SLC11A2: variants seen among roughly 807,000 people sequenced by gnomAD.
SLC11A2 encodes the protein natural resistance-associated macrophage protein 2.
A neutral mutation model predicts 68.0 loss-of-function variants in SLC11A2; 38 were observed. The ratio of observed to expected loss-of-function variants is 0.56; its 90% CI spans 0.43 to 0.73. The LOEUF (loss-of-function observed/expected upper bound fraction) is 0.73, where lower values mean the gene tolerates loss of function less well. SLC11A2 is among the 30% of genes least tolerant of loss of function. The pLI is 0.00. For synonymous variants in SLC11A2, 242 were observed against 250.6 expected (o/e 0.97, Z 0.32); for missense variants, 517 against 690.5 (o/e 0.75, Z 2.82).
the SLC11A2 span, among the ~76,000 whole-genome samples, chr12:50,973,786 G>C: frequency 1.3e-5 from 2 of 152,184 alleles, no homozygotes; most frequent in African/African-American, 4.8e-5. Flanking sequence ...ATGCAGATAA[G>C]TCCTTAAAGG....
downstream of SLC11A2, among the ~76,000 whole-genome samples, chr12:50,979,014 T>C (rs905976712): frequency 6.6e-6 from 1 of 152,162 alleles, no homozygotes; most frequent in South Asian, 2.1e-4. Flanking sequence ...TGTGTATACA[T>C]TGTCAGAGCA....
At chr12:50,981,797 G>A, downstream of SLC11A2, 2 of 1,522,378 alleles carry the variant, frequency 1.3e-6, no homozygotes, top group Non-Finnish European at 1.8e-6. Flanking sequence ...GTCAATCCCA[G>A]ATGGCACTAA....
At chr12:50,994,796 C>A in intron 10 of SLC11A2, 166 bp from the exon 11 acceptor site, 1 of 620,784 alleles carries the variant, frequency 1.6e-6, no homozygotes, top group South Asian at 1.8e-5. Flanking sequence ...TATCTAGGAT[C>A]TTCCTCTATA....
chr12:50,960,733 A>C, the SLC11A2 span, among the ~76,000 whole-genome samples: 3 of 151,896 alleles, frequency 2.0e-5, no homozygotes, highest in African/African-American at 7.3e-5. Flanking sequence ...ACCAGGCTGT[A>C]GTGCAGTGGT....
the SLC11A2 span, among the ~76,000 whole-genome samples, chr12:50,970,263 T>G: frequency 6.6e-6 from 1 of 152,236 alleles, no homozygotes; most frequent in African/African-American, 2.4e-5. Context: ...CCTAGAGTTT[T>G]GTTTTTTGTT....
intron 1 of SLC11A2, among the ~76,000 whole-genome samples, chr12:51,020,211 C>G (rs1943943676): frequency 6.6e-6 from 1 of 151,476 alleles, no homozygotes; most frequent in Non-Finnish European, 1.5e-5. Context: ...CAGGCACGTA[C>G]CACCACAGCT....
intron 5 of SLC11A2, among the ~76,000 whole-genome samples, chr12:51,002,688 T>C (rs113685355): frequency 0.028 from 3,930 of 138,874 alleles, 184 homozygotes; most frequent in African/African-American, 0.098. Context: ...ACGCCTGTAA[T>C]CCCAGCACTT....
intron 6 of SLC11A2, 147 bp downstream of exon 6, chr12:51,000,166 G>T: frequency 1.4e-6 from 1 of 695,108 alleles, no homozygotes. Context: ...TCTACCAGGG[G>T]AGAAGAAATT....
At chr12:50,990,986 C>G in intron 14 of SLC11A2, 38 bp from the exon 15 acceptor site, 1 of 1,597,138 alleles carries the variant, frequency 6.3e-7, no homozygotes. Context: ...ATGGAATAAT[C>G]CAACTTGGCC....
downstream of SLC11A2, among the ~76,000 whole-genome samples, chr12:50,983,067 G>A (rs774165275): frequency 6.6e-6 from 1 of 151,776 alleles, no homozygotes; most frequent in Non-Finnish European, 1.5e-5. Flanking sequence ...TGTCACTCAC[G>A]CTGGAGTGCC....
At chr12:51,014,574 G>A (rs1482998586) in intron 1 of SLC11A2, among the ~76,000 whole-genome samples, 1 of 152,122 alleles carries the variant, frequency 6.6e-6, no homozygotes, top group Non-Finnish European at 1.5e-5. Context: ...ACTTGGGGCC[G>A]GAGGCGGTGG....
chr12:50,996,373 G>A (rs900939658), intron 9 of SLC11A2, among the ~76,000 whole-genome samples: 1 of 152,090 alleles, frequency 6.6e-6, no homozygotes, highest in Non-Finnish European at 1.5e-5. Context: ...TCAGGAGTTC[G>A]AGACCAGCCT....
chr12:51,002,738 G>A (rs183754436), intron 5 of SLC11A2, among the ~76,000 whole-genome samples: 10 of 151,152 alleles, frequency 6.6e-5, no homozygotes, highest in African/African-American at 2.2e-4. Flanking sequence ...TCAGGAGTTT[G>A]AGACCAGTCT....
intron 1 of SLC11A2, among the ~76,000 whole-genome samples, chr12:51,022,411 TA>T (rs1252372042): frequency 5.1e-3 from 386 of 75,542 alleles, no homozygotes; most frequent in Admixed American, 9.5e-3. Flanking sequence ...CAGTCTCCAT[TA>T]AAAAAAAAAA....
intron 15 of SLC11A2, among the ~76,000 whole-genome samples, chr12:50,989,778 C>A (rs1349090550): frequency 6.6e-6 from 1 of 152,142 alleles, no homozygotes; most frequent in Non-Finnish European, 1.5e-5. Flanking sequence ...AAGTGATTTT[C>A]TTAATAAAGT....
At chr12:50,958,807 A>G in the SLC11A2 span, among the ~76,000 whole-genome samples, 3 of 151,540 alleles carry the variant, frequency 2.0e-5, no homozygotes, top group Non-Finnish European at 4.4e-5. Flanking sequence ...ACTTGGGGCC[A>G]GGAGTTCAAA....
Position 50,991,020 on chromosome 12 carries a change from G to A in SLC11A2, c.1422-72C>T, listed in dbSNP as rs923175658. ...CCACAGACAGAAAAGGAAACAGGAT[G>A]GGAATTAGAGGCAGTTCAAAATGAA... On this transcript the variant is annotated intron_variant, in intron 14 of 15. Transcript: ENST00000262052. 7 of 1,300,242 alleles carry A rather than the reference G, an allele frequency of 5.4e-6. No individual in the cohort carries two copies. In the African/African-American group the frequency reaches 1.0e-4, roughly 19 times the overall value. 80.5% of individuals were successfully genotyped at this position (1,300,242 alleles called of 1,614,324 possible). A position where few individuals can be genotyped will look rare whatever the true frequency, so the allele number is the denominator to read the frequency against.
At chr12:50,957,649 C>T in the SLC11A2 span, among the ~76,000 whole-genome samples, 1 of 151,942 alleles carries the variant, frequency 6.6e-6, no homozygotes, top group African/African-American at 2.4e-5. Context: ...CTTTGGGAGG[C>T]CGAGGTGGGC....
At chr12:51,023,341 G>A (rs1332682853) in intron 1 of SLC11A2, among the ~76,000 whole-genome samples, 1 of 152,202 alleles carries the variant, frequency 6.6e-6, no homozygotes, top group African/African-American at 2.4e-5. Flanking sequence ...CAGCAACTCA[G>A]GAGGCTCTAG....
Sources: allele counts gnomAD v4.1 joint callset (sites outside exome capture counted in the v4.1 genomes callset), GRCh38; gene constraint gnomAD v4.1.1; transcripts MANE v1.5; gene names NCBI Gene and HGNC (gene_info 2026-07-23, HGNC 2026-07-21).